The following DHRSX variants were observed in gnomAD, a reference collection of about 807,000 sequenced individuals.
The protein encoded by DHRSX is dehydrogenase/reductase X-linked.
DHRSX carries 31 observed loss-of-function variants against 34.0 expected under a neutral mutation model. The ratio of observed to expected loss-of-function variants is 0.91; its 90% CI spans 0.69 to 1.23. The LOEUF is 1.23. DHRSX is among the 50% of genes most tolerant of loss of function. The pLI is 0.00. For missense variants in DHRSX, 414 were observed against 428.1 expected (o/e 0.97, Z 0.29); for synonymous variants, 201 against 183.8 (o/e 1.09, Z -0.76).
intron 3 of DHRSX, among the ~76,000 whole-genome samples, chrX:2,405,011 G>A (rs1225685284): frequency 6.6e-6 from 1 of 152,178 alleles, no homozygotes; most frequent in Non-Finnish European, 1.5e-5. Context: ...GCCCCTGTGG[G>A]AGTGTGTTCC....
At chrX:2,317,612 G>A (rs1196330742) in intron 3 of DHRSX, among the ~76,000 whole-genome samples, 2 of 151,358 alleles carry the variant, frequency 1.3e-5, no homozygotes, top group African/African-American at 2.4e-5. Flanking sequence ...AAAGCAGGCA[G>A]GAGGGAAAGA....
At chrX:2,257,836 A>T (rs2041300151) in intron 5 of DHRSX, among the ~76,000 whole-genome samples, 1 of 152,076 alleles carries the variant, frequency 6.6e-6, no homozygotes, top group Non-Finnish European at 1.5e-5. Flanking sequence ...CGTGTTGTCC[A>T]GGCTGGTCTT....
Position 2,358,161 on chromosome X carries a change from G to A in DHRSX, c.286+50584C>T, listed in dbSNP as rs148004653. On this transcript the variant is annotated intron_variant, in intron 3 of 6. Transcript: ENST00000334651. ...TAGCTAACACTTGGTTTAAAGTTAC[G>A]AAAGTTTCAAAGAGCTTCTGCACAG... Among the ~76,000 whole-genome samples the A allele has an allele frequency of 6.7e-3, 1,025 of 152,176 alleles. 17 individuals are homozygous for A. The highest frequency in any genetic ancestry group is 0.022 in the African/African-American group (918 of 41,502).
intron 3 of DHRSX, among the ~76,000 whole-genome samples, chrX:2,346,882 G>A (rs1026284103): frequency 6.6e-6 from 1 of 151,766 alleles, no homozygotes; most frequent in Non-Finnish European, 1.5e-5. Flanking sequence ...TCCCACTTAT[G>A]AGTGAGAACA....
chrX:2,246,439 T>C (rs2016283635), intron 5 of DHRSX, among the ~76,000 whole-genome samples: 1 of 151,938 alleles, frequency 6.6e-6, no homozygotes, highest in East Asian at 1.9e-4. Flanking sequence ...CTGGTTAACA[T>C]GGTGAAACCC....
At position 2,354,920 on chromosome X, in the gene DHRSX, C is replaced by T. The variant is rs780841699; in HGVS notation, c.286+53825G>A. Among the ~76,000 whole-genome samples, 4 of 152,154 alleles carry T rather than the reference C, an allele frequency of 2.6e-5. No homozygotes were observed. In the East Asian group the frequency reaches 7.7e-4, roughly 29 times the overall value. On this transcript the variant is annotated intron_variant, in intron 3 of 6. Coordinates refer to ENST00000334651, the MANE Select transcript of DHRSX (RefSeq NM_145177.3). Reference sequence around the variant, plus strand: ...TGAAGACTGGGCATTAAAATAAATGCCCGTATGGAGGGAAAATATCCATCT... The same window carrying T: ...TGAAGACTGGGCATTAAAATAAATGTCCGTATGGAGGGAAAATATCCATCT...
chrX:2,237,802 C>A (rs1323471965), intron 6 of DHRSX, among the ~76,000 whole-genome samples: 1 of 152,126 alleles, frequency 6.6e-6, no homozygotes, highest in Non-Finnish European at 1.5e-5. Flanking sequence ...CCACTCCCAG[C>A]CGATAGCTCT....
intron 3 of DHRSX, among the ~76,000 whole-genome samples, chrX:2,385,826 G>A (rs923616968): frequency 5.3e-5 from 8 of 152,114 alleles, no homozygotes; most frequent in Non-Finnish European, 1.2e-4. Flanking sequence ...TTTGAAAAGT[G>A]TTCATTTGGG....
At chrX:2,270,498 G>A (rs150995830) in intron 4 of DHRSX, among the ~76,000 whole-genome samples, 58 of 152,310 alleles carry the variant, frequency 3.8e-4, no homozygotes, top group African/African-American at 1.3e-3. Flanking sequence ...TCAAAACTGT[G>A]GATGCACAGG....
intron 6 of DHRSX, among the ~76,000 whole-genome samples, chrX:2,235,449 A>C (rs1311489307): frequency 6.6e-6 from 1 of 152,068 alleles, no homozygotes; most frequent in Non-Finnish European, 1.5e-5. Flanking sequence ...GTGAATCAAT[A>C]AATACATAAG....
intron 1 of DHRSX, among the ~76,000 whole-genome samples, chrX:2,456,182 T>C (rs1478525351): frequency 6.6e-6 from 1 of 152,074 alleles, no homozygotes; most frequent in Non-Finnish European, 1.5e-5. Flanking sequence ...ACAGGGACAA[T>C]GTGCGGGACG....
chrX:2,495,948 G>A (rs995020994), intron 1 of DHRSX, among the ~76,000 whole-genome samples: 5 of 152,068 alleles, frequency 3.3e-5, no homozygotes, highest in South Asian at 2.1e-4. Flanking sequence ...GCCGCCATCC[G>A]TCCCTTTATG....
chrX:2,500,778 G>A, intron 1 of DHRSX, 39 bp downstream of exon 1: 2 of 450,888 alleles, frequency 4.4e-6, no homozygotes, highest in Non-Finnish European at 5.4e-6. Context: ...GCGCCCACCC[G>A]GGTCCCCGGA....
intron 3 of DHRSX, among the ~76,000 whole-genome samples, chrX:2,298,804 G>A (rs2041975886): frequency 6.6e-6 from 1 of 151,860 alleles, no homozygotes; most frequent in African/African-American, 2.4e-5. Flanking sequence ...TGGCCAACAT[G>A]GAGAAACCCC....
At position 2,246,514 on chromosome X, in the gene DHRSX, T is replaced by C. The variant is rs185178888; in HGVS notation, c.597-3284A>G. On this transcript the variant is annotated intron_variant, in intron 5 of 6. Transcript: ENST00000334651. ...GGCGGGTGCCTGTAGACCCAACTAC[T>C]TGGGAGGCTGAGGCAGGAGAATCAC... Among the ~76,000 whole-genome samples the C allele has an allele frequency of 7.7e-3, 1,170 of 151,510 alleles. 9 individuals carry two copies. The highest frequency in any genetic ancestry group is 0.013 in the Non-Finnish European group (882 of 67,876).
chrX:2,366,126 T>C (rs1020402943), intron 3 of DHRSX, among the ~76,000 whole-genome samples: 6 of 152,170 alleles, frequency 3.9e-5, no homozygotes, highest in Admixed American at 2.0e-4. Context: ...CGACGGCTGA[T>C]GGCAGAGGAT....
chrX:2,476,809 G>C (rs1203614599), intron 1 of DHRSX, among the ~76,000 whole-genome samples: 1 of 152,074 alleles, frequency 6.6e-6, no homozygotes, highest in African/African-American at 2.4e-5. Flanking sequence ...TTCAAGACCA[G>C]CCTGGCCAAC....
chrX:2,489,142 C>G (rs763728603), intron 1 of DHRSX: 97 of 1,613,486 alleles, frequency 6.0e-5, no homozygotes, highest in Non-Finnish European at 8.1e-5. Flanking sequence ...TGACGGGAGG[C>G]TCCTCGGGCA....
intron 3 of DHRSX, among the ~76,000 whole-genome samples, chrX:2,398,906 G>A (rs1356218799): frequency 6.6e-6 from 1 of 152,058 alleles, no homozygotes; most frequent in Non-Finnish European, 1.5e-5. Context: ...AGGCTGGAGT[G>A]CAGTGGCGCG....
Sources: gnomAD v4.1 joint callset for allele counts (sites outside exome capture counted in the v4.1 genomes callset) on GRCh38, gnomAD v4.1.1 for gene constraint, MANE v1.5 for transcripts, NCBI Gene and HGNC (gene_info 2026-07-23, HGNC 2026-07-21) for gene names.